The following RGS6 variants were observed in gnomAD, a reference collection of about 807,000 sequenced individuals.
RGS6 encodes regulator of G-protein signaling 6.
Under a neutral mutation model 78.5 loss-of-function variants are expected in RGS6, and 30 were observed. The ratio of observed to expected loss-of-function variants is 0.38; its 90% CI spans 0.29 to 0.52. The LOEUF (loss-of-function observed/expected upper bound fraction) is 0.52, where lower values mean the gene tolerates loss of function less well. Among genes scored for constraint, RGS6 ranks in the 20% least tolerant of loss-of-function variants. The probability of loss-of-function intolerance (pLI) is 0.85; values close to 1 mark genes in which losing one functional copy is unlikely to be tolerated. For synonymous variants in RGS6, 206 were observed against 206.0 expected, an observed-to-expected ratio of 1.00 and a Z score of 0.00; for missense variants, 495 against 609.7, an observed-to-expected ratio of 0.81 and a Z score of 1.98.
chr14:72,411,332 A>G (rs1436898707), intron 3 of RGS6, among the ~76,000 whole-genome samples: 2 of 152,226 alleles, frequency 1.3e-5, no homozygotes, highest in South Asian at 2.1e-4. Context: ...CTTTGAAGCA[A>G]TTGTGAATGG....
At chr14:72,177,183 CG>C (rs2097116132) in intron 2 of RGS6, among the ~76,000 whole-genome samples, 1 of 151,896 alleles carries the variant, frequency 6.6e-6, no homozygotes, top group Non-Finnish European at 1.5e-5. Flanking sequence ...ATGAAACTGC[CG>C]TGAACATCTT....
At chr14:72,403,612 C>T (rs1009281123) in intron 3 of RGS6, among the ~76,000 whole-genome samples, 7 of 152,054 alleles carry the variant, frequency 4.6e-5, no homozygotes, top group Admixed American at 2.0e-4. Flanking sequence ...ATGTTCCCAA[C>T]GTAAAGAATT....
chr14:72,619,850 C>A, the RGS6 span: 1 of 1,454,784 alleles, frequency 6.9e-7, no homozygotes, highest in Non-Finnish European at 9.2e-7. Context: ...TCAGTAAGTG[C>A]TAGTAGTAGT....
intron 12 of RGS6, among the ~76,000 whole-genome samples, chr14:72,483,953 C>G (rs1004775645): frequency 1.3e-5 from 2 of 148,430 alleles, no homozygotes; most frequent in African/African-American, 4.9e-5. Context: ...TCCCTACTTC[C>G]CACCTTCTCC....
chr14:72,518,732 T>C (rs2096987361), intron 15 of RGS6, among the ~76,000 whole-genome samples, 195 bp downstream of exon 15: 2 of 152,226 alleles, frequency 1.3e-5, no homozygotes, highest in African/African-American at 4.8e-5. Context: ...GGGTTATGTA[T>C]TACATAGAAA....
intron 2 of RGS6, among the ~76,000 whole-genome samples, chr14:72,075,360 A>T (rs2094538785): frequency 6.6e-6 from 1 of 152,194 alleles, no homozygotes; most frequent in Non-Finnish European, 1.5e-5. Context: ...ACCCAACAAG[A>T]TAAGTAAATA....
intron 2 of RGS6, among the ~76,000 whole-genome samples, chr14:72,326,781 C>G (rs191552469): frequency 3.2e-4 from 49 of 152,312 alleles, no homozygotes; most frequent in African/African-American, 1.1e-3. Flanking sequence ...TGGTTCGGCT[C>G]ACTGCAAGCT....
At chr14:72,502,547 C>T (rs1348177454) in intron 13 of RGS6, among the ~76,000 whole-genome samples, 1 of 152,160 alleles carries the variant, frequency 6.6e-6, no homozygotes, top group Admixed American at 6.5e-5. Flanking sequence ...AAGCGGATCA[C>T]GAGGTCAGGA....
At position 72,473,039 on chromosome 14, in the gene RGS6, C is replaced by CCA. The variant is rs2096128512; in HGVS notation, c.618+87_618+88dup. 4 of 859,258 alleles carry CCA rather than the reference C, an allele frequency of 4.7e-6. 1 individual carries two copies. The South Asian group carries it at 8.2e-5, about 18-fold the overall frequency. 53.2% of individuals were successfully genotyped at this position (859,258 alleles called of 1,614,324 possible). On this transcript the variant is annotated intron_variant, in intron 9 of 17. Coordinates refer to ENST00000553525, the MANE Select transcript of RGS6 (RefSeq NM_001204424.2). ...ATAAAGAAAAGACCGTCTTTAGCCA[C>CCA]CAGGTGTCTCATTCTTAAGAAAATC...
chr14:72,308,262 C>T (rs75868813), intron 2 of RGS6, among the ~76,000 whole-genome samples: 4,721 of 152,164 alleles, frequency 0.031, 100 homozygotes, highest in African/African-American at 0.058. Context: ...CTGTAGTTCC[C>T]CTACCGCAAA....
chr14:72,059,592 G>A (rs922358498), intron 2 of RGS6, among the ~76,000 whole-genome samples: 1 of 152,182 alleles, frequency 6.6e-6, no homozygotes, highest in Non-Finnish European at 1.5e-5. Context: ...GTTAAGGCAT[G>A]TGTTACCTCT....
At chr14:72,242,495 C>A (rs572277166) in intron 2 of RGS6, among the ~76,000 whole-genome samples, 2 of 152,256 alleles carry the variant, frequency 1.3e-5, no homozygotes, top group East Asian at 3.9e-4. Flanking sequence ...CCCATACTTT[C>A]TATTTATTTT....
chr14:72,049,445 G>A (rs2093083364), intron 2 of RGS6, among the ~76,000 whole-genome samples: 1 of 152,176 alleles, frequency 6.6e-6, no homozygotes, highest in Non-Finnish European at 1.5e-5. Context: ...TAGCAAAATG[G>A]TGCAAGTCTC....
chr14:72,090,285 G>GGACC (rs2153497911), intron 2 of RGS6, among the ~76,000 whole-genome samples: 1 of 152,192 alleles, frequency 6.6e-6, no homozygotes, highest in African/African-American at 2.4e-5. Context: ...CCCAGGCCAT[G>GGACC]GACCAGTACC....
At chr14:72,441,080 G>A (rs1566854906) in intron 3 of RGS6, among the ~76,000 whole-genome samples, 1 of 152,172 alleles carries the variant, frequency 6.6e-6, no homozygotes, top group Non-Finnish European at 1.5e-5. Context: ...CTGTGTGAGT[G>A]TGTGCAGGTA....
intron 15 of RGS6, among the ~76,000 whole-genome samples, chr14:72,529,144 G>A (rs575875089): frequency 2.0e-5 from 3 of 152,324 alleles, no homozygotes; most frequent in Middle Eastern, 6.8e-3. Flanking sequence ...CGTTGCTTGG[G>A]GGAGGAGTTG....
chr14:72,048,533 T>A (rs1315451046), intron 2 of RGS6, among the ~76,000 whole-genome samples: 1 of 152,206 alleles, frequency 6.6e-6, no homozygotes, highest in African/African-American at 2.4e-5. Context: ...TGAATCAGAA[T>A]GGAAATTTAT....
the RGS6 span, among the ~76,000 whole-genome samples, chr14:71,900,288 C>T: frequency 6.6e-6 from 1 of 152,204 alleles, no homozygotes; most frequent in South Asian, 2.1e-4. Flanking sequence ...GCTACCACTT[C>T]TGAATGTGGA....
Position 72,344,783 on chromosome 14 carries a change from C to T in RGS6, c.85-7312C>T, listed in dbSNP as rs890420349. On this transcript the variant is annotated intron_variant, in intron 2 of 17. Transcript: ENST00000553525. Reference sequence around the variant, plus strand: ...GCTTATAACAGGATAAGCACTGGGACACCATGGACAGATTTTAGGTAGGGG... The same window carrying T: ...GCTTATAACAGGATAAGCACTGGGATACCATGGACAGATTTTAGGTAGGGG... Among the ~76,000 whole-genome samples the T allele has an allele frequency of 6.6e-5, 10 of 152,270 alleles. No individual in the cohort carries two copies. In the South Asian group the frequency reaches 8.3e-4, roughly 13 times the overall value.
Sources: allele counts gnomAD v4.1 joint callset (sites outside exome capture counted in the v4.1 genomes callset), GRCh38; gene constraint gnomAD v4.1.1; transcripts MANE v1.5; gene names NCBI Gene and HGNC (gene_info 2026-07-23, HGNC 2026-07-21).